The following ITGB3 variants were observed in gnomAD, a reference collection of about 807,000 sequenced individuals.
ITGB3 encodes the protein integrin beta-3.
A neutral mutation model predicts 85.8 loss-of-function variants in ITGB3; 48 were observed. That is an observed-to-expected ratio of 0.56 (90% CI 0.44 to 0.71). The LOEUF is 0.71. Among genes scored for constraint, ITGB3 ranks in the 30% least tolerant of loss-of-function variants. ITGB3 has a pLI of 0.00. For missense variants in ITGB3, 861 were observed against 1,019.1 expected, an observed-to-expected ratio of 0.84 and a Z score of 2.11; for synonymous variants, 363 against 395.6, an observed-to-expected ratio of 0.92 and a Z score of 0.98.
intron 1 of ITGB3, among the ~76,000 whole-genome samples, chr17:47,264,127 G>A (rs2065017862): frequency 6.6e-6 from 1 of 152,194 alleles, no homozygotes; most frequent in Non-Finnish European, 1.5e-5. Context: ...ATTGGTCAAG[G>A]CAGCAGAGCC....
rs754764865 is a variant in ITGB3, at chr17:47,307,545, G to A, written c.2209G>A (p.Ala737Thr). The A allele has an allele frequency of 1.5e-5, 25 of 1,614,036 alleles. No individual in the cohort carries two copies. Among genetic ancestry groups the A allele is most frequent in the East Asian group, 1.3e-4 (6 of 44,886 alleles). The change falls in exon 14 of 15, where the codon GCC becomes ACC. Residue 737 changes from alanine to threonine, a missense_variant. By Grantham distance (58) the Ala-to-Thr change is moderately conservative (BLOSUM62 0). Transcript: ENST00000559488. ...GGCCATTCTGCTCATTGGCCTTGCC[G>A]CCCTGCTCATCTGGAAACTCCTCAT... The part of the protein sequence containing the change: ...MGAILLIGLA[A>T]LLIWKLLITI...
intron 1 of ITGB3, among the ~76,000 whole-genome samples, chr17:47,263,033 A>C (rs1204534489): frequency 6.6e-6 from 1 of 152,168 alleles, no homozygotes; most frequent in Non-Finnish European, 1.5e-5. Context: ...TGTGACATAG[A>C]CTCAAAGAGG....
chr17:47,263,583 A>G (rs1430638802), intron 1 of ITGB3, among the ~76,000 whole-genome samples: 1 of 142,740 alleles, frequency 7.0e-6, no homozygotes, highest in Non-Finnish European at 1.5e-5. Flanking sequence ...TCCGCCTCCC[A>G]TGTTCAAGCA....
intron 1 of ITGB3, among the ~76,000 whole-genome samples, chr17:47,272,106 A>G (rs1598683374): frequency 7.9e-6 from 1 of 125,964 alleles, no homozygotes; most frequent in Non-Finnish European, 1.6e-5. Context: ...CTCAGGCTGG[A>G]GTGCAGTGAC....
chr17:47,283,689 G>A (rs2065092276), intron 3 of ITGB3, 140 bp downstream of exon 3: 8 of 804,078 alleles, frequency 9.9e-6, no homozygotes, highest in Non-Finnish European at 1.3e-5. Flanking sequence ...GGGAGGTGTG[G>A]GCAAGAGAAT....
chr17:47,279,480 C>G (rs1483101905), intron 2 of ITGB3: 5 of 152,190 alleles, frequency 3.3e-5, no homozygotes, highest in Non-Finnish European at 7.3e-5. Context: ...CTGTTATATT[C>G]CTGACCTCTG....
intron 1 of ITGB3, among the ~76,000 whole-genome samples, chr17:47,258,640 A>G (rs1463518983): frequency 6.6e-6 from 1 of 151,874 alleles, no homozygotes; most frequent in African/African-American, 2.4e-5. Context: ...GCAGGGTCTC[A>G]CCATATTGCC....
Position 47,299,642 on chromosome 17 carries a change from G to A in ITGB3, c.1913+112G>A. On this transcript the variant is annotated intron_variant, in intron 11 of 14. Coordinates refer to ENST00000559488, the MANE Select transcript of ITGB3 (RefSeq NM_000212.3). The surrounding 1 kb of genome is among the most constrained non-coding windows in gnomAD (Gnocchi z 5.1). ...CTTGCTCACCAGAGCCTTAGGGAGA[G>A]GAGTCCACTCCAGCCAGATGGCTGT... 1 of 1,005,310 alleles carries A rather than the reference G, an allele frequency of 9.9e-7. No homozygotes were observed. 62.3% of individuals were successfully genotyped at this position (1,005,310 alleles called of 1,614,324 possible). A position where few individuals can be genotyped will look rare whatever the true frequency, so the allele number is the denominator to read the frequency against.
intron 10 of ITGB3, among the ~76,000 whole-genome samples, chr17:47,295,322 G>A (rs2065141503): frequency 1.3e-5 from 2 of 152,110 alleles, no homozygotes; most frequent in African/African-American, 2.4e-5. Flanking sequence ...GCGAGCATCA[G>A]CCCAGAAGGT....
intron 1 of ITGB3, 112 bp from the exon 2 acceptor site, chr17:47,274,307 T>C: frequency 1.2e-6 from 1 of 857,926 alleles, no homozygotes; most frequent in South Asian, 1.3e-5. Flanking sequence ...GGTGTGTTTG[T>C]GTGCACCTGA....
chr17:47,278,316 G>C (rs575415718), intron 2 of ITGB3, among the ~76,000 whole-genome samples: 1 of 152,264 alleles, frequency 6.6e-6, no homozygotes, highest in South Asian at 2.1e-4. Context: ...TGCCAGGTGT[G>C]GTGGCTCACT....
intron 1 of ITGB3, among the ~76,000 whole-genome samples, chr17:47,256,073 T>C (rs2064988640): frequency 6.6e-6 from 1 of 152,212 alleles, no homozygotes; most frequent in Non-Finnish European, 1.5e-5. Flanking sequence ...CAATTTTTGC[T>C]GTCATTAAAA....
At chr17:47,275,973 C>A (rs2065062397) in intron 2 of ITGB3, among the ~76,000 whole-genome samples, 1 of 152,184 alleles carries the variant, frequency 6.6e-6, no homozygotes. Flanking sequence ...GTCCTCCTTC[C>A]TCCCATCGTG....
chr17:47,302,875 A>G (rs2065172690), intron 13 of ITGB3, 35 bp downstream of exon 13: 1 of 1,612,978 alleles, frequency 6.2e-7, no homozygotes, highest in Non-Finnish European at 8.5e-7. Context: ...GCCCTGCCCC[A>G]GGAGGGAGAG....
At position 47,310,385 on chromosome 17, in the gene ITGB3, T is replaced by C; in HGVS notation, c.*181T>C. 1.4e-6 allele frequency: 1 copy of C among 690,602 alleles called. No individual in the cohort carries two copies. The highest frequency in any genetic ancestry group is 2.6e-6 in the Non-Finnish European group (1 of 378,828). 42.8% of individuals were successfully genotyped at this position (690,602 alleles called of 1,614,324 possible). A position where few individuals can be genotyped will look rare whatever the true frequency, so the allele number is the denominator to read the frequency against. ...GTGTGTGTATGTGGGGGTCTGTGTG[T>C]TTATGTGTGTGTGTTGTGTGTGGGA... On this transcript the variant is annotated 3_prime_UTR_variant, in exon 15 of 15. Coordinates refer to ENST00000559488, the MANE Select transcript of ITGB3 (RefSeq NM_000212.3).
chr17:47,306,950 G>C (rs1038422901), intron 13 of ITGB3, among the ~76,000 whole-genome samples: 1 of 152,166 alleles, frequency 6.6e-6, no homozygotes, highest in Non-Finnish European at 1.5e-5. Flanking sequence ...AAAGTGCTGG[G>C]ATTACAGGTG....
Position 47,287,316 on chromosome 17 carries a change from A to G in ITGB3, c.939+85A>G, listed in dbSNP as rs1461726039. 4.6e-6 allele frequency: 7 copies of G among 1,515,816 alleles called. No homozygotes were observed. In the African/African-American group the frequency reaches 8.2e-5, roughly 18 times the overall value. 93.9% of individuals were successfully genotyped at this position (1,515,816 alleles called of 1,614,324 possible). Reference sequence around the variant, plus strand: ...AGGCAGAGTCTGTGTGAATATGAAAATGGCAGCCCCTCCTTCTGGGCAGGG... The same window carrying G: ...AGGCAGAGTCTGTGTGAATATGAAAGTGGCAGCCCCTCCTTCTGGGCAGGG... On this transcript the variant is annotated intron_variant, in intron 6 of 14. Coordinates refer to ENST00000559488, the MANE Select transcript of ITGB3 (RefSeq NM_000212.3).
chr17:47,268,514 C>G (rs961327730), intron 1 of ITGB3, among the ~76,000 whole-genome samples: 3 of 152,214 alleles, frequency 2.0e-5, no homozygotes, highest in African/African-American at 7.2e-5. Context: ...AAACAGGCTA[C>G]TGGCCCCACG....
In ITGB3 at chr17:47,254,025, C is replaced by G. The variant is rs982825366; in HGVS notation, c.79+85C>G. On this transcript the variant is annotated intron_variant, in intron 1 of 14. Coordinates refer to ENST00000559488, the MANE Select transcript of ITGB3 (RefSeq NM_000212.3). ...GTTGCGGACTTGGAGCCGGCAAACG[C>G]GGAGGGCTGGTCCCGCGCGTCTGCG... 2.3e-5 allele frequency: 21 copies of G among 902,614 alleles called. No homozygotes were observed. In the East Asian group the frequency reaches 5.2e-4, roughly 22 times the overall value. 55.9% of individuals were successfully genotyped at this position (902,614 alleles called of 1,614,324 possible). A position where few individuals can be genotyped will look rare whatever the true frequency, so the allele number is the denominator to read the frequency against.
Sources: allele counts gnomAD v4.1 joint callset (sites outside exome capture counted in the v4.1 genomes callset), GRCh38; gene constraint gnomAD v4.1.1; non-coding constraint Gnocchi (gnomAD v3.1); transcripts MANE v1.5; gene names NCBI Gene and HGNC (gene_info 2026-07-23, HGNC 2026-07-21).